ADAMTS20: variants seen among roughly 807,000 people sequenced by gnomAD.
ADAMTS20 encodes the protein A disintegrin and metalloproteinase with thrombospondin motifs 20.
Under a neutral mutation model 260.1 loss-of-function variants are expected in ADAMTS20, and 225 were observed. The observed-to-expected ratio is 0.87, with a 90% CI of 0.78 to 0.97. The LOEUF (loss-of-function observed/expected upper bound fraction) is 0.97, where lower values mean the gene tolerates loss of function less well. Among genes scored for constraint, ADAMTS20 ranks in the 50% least tolerant of loss-of-function variants. The probability of loss-of-function intolerance (pLI) is 0.00; values close to 1 mark genes in which losing one functional copy is unlikely to be tolerated. For missense variants in ADAMTS20, 2,400 were observed against 2,337.7 expected (o/e 1.03, Z -0.55); for synonymous variants, 802 against 769.5 (o/e 1.04, Z -0.70).
chr12:43,449,258 G>A (rs7138878), intron 14 of ADAMTS20, among the ~76,000 whole-genome samples: 2,098 of 152,192 alleles, frequency 0.014, 53 homozygotes, highest in African/African-American at 0.048. Flanking sequence ...TGGTAGACTG[G>A]ATAAAGAAAA....
intron 36 of ADAMTS20, among the ~76,000 whole-genome samples, chr12:43,370,693 A>G (rs549324980): frequency 3.3e-5 from 5 of 152,334 alleles, no homozygotes; most frequent in African/African-American, 1.2e-4. Flanking sequence ...ACATGTTCAA[A>G]GCTAAATGCA....
chr12:43,519,554 C>T (rs1943043840), intron 3 of ADAMTS20, among the ~76,000 whole-genome samples: 1 of 152,112 alleles, frequency 6.6e-6, no homozygotes, highest in Non-Finnish European at 1.5e-5. Context: ...TAGCAATCAA[C>T]TTTTTTCTTC....
intron 11 of ADAMTS20, among the ~76,000 whole-genome samples, chr12:43,454,751 C>T (rs1941934209): frequency 6.6e-6 from 1 of 152,196 alleles, no homozygotes. Flanking sequence ...ACCATGCACT[C>T]ATGCCAGTCT....
At chr12:43,380,989 T>C (rs1390892957) in intron 31 of ADAMTS20, among the ~76,000 whole-genome samples, 1 of 152,156 alleles carries the variant, frequency 6.6e-6, no homozygotes, top group African/African-American at 2.4e-5. Context: ...CAAAACTTAC[T>C]ATAAAATTAC....
chr12:43,464,305 T>C (rs962797042), intron 10 of ADAMTS20, among the ~76,000 whole-genome samples: 13 of 152,258 alleles, frequency 8.5e-5, no homozygotes, highest in African/African-American at 3.1e-4. Flanking sequence ...AATATTTCAA[T>C]GATTTTATTT....
chr12:43,420,478 C>A (rs1055061302), intron 28 of ADAMTS20, among the ~76,000 whole-genome samples: 1 of 152,034 alleles, frequency 6.6e-6, no homozygotes, highest in Non-Finnish European at 1.5e-5. Flanking sequence ...ACTTATGTGT[C>A]TTTTTCAAAT....
chr12:43,395,703 G>A (rs1461872281), intron 29 of ADAMTS20, among the ~76,000 whole-genome samples: 1 of 119,378 alleles, frequency 8.4e-6, no homozygotes, highest in Non-Finnish European at 1.7e-5. Context: ...TTTTTTTTGA[G>A]AGTTTTAGAA....
intron 38 of ADAMTS20, among the ~76,000 whole-genome samples, 195 bp downstream of exon 38, chr12:43,356,289 G>A (rs1939740589): frequency 6.6e-6 from 1 of 152,086 alleles, no homozygotes. Flanking sequence ...ACCTCCACAT[G>A]CACATTAATA....
intron 16 of ADAMTS20, among the ~76,000 whole-genome samples, chr12:43,441,978 A>G (rs1384305725): frequency 6.6e-6 from 1 of 152,222 alleles, no homozygotes; most frequent in African/African-American, 2.4e-5. Flanking sequence ...TGACATAGAC[A>G]TTCCTCTATT....
rs115337506 is a variant in ADAMTS20, at chr12:43,425,287, G to C, written c.4284+227C>G. ...AGTGTGGGGGGCAGGGAGAGCATCAGAAAGAATAGCTAGCTAATGGATGCC... is the reference window on the plus strand; with the variant it reads ...AGTGTGGGGGGCAGGGAGAGCATCACAAAGAATAGCTAGCTAATGGATGCC... On this transcript the variant is annotated intron_variant, in intron 28 of 38. Transcript: ENST00000389420. Among the ~76,000 whole-genome samples the C allele has an allele frequency of 6.0e-3, 912 of 152,246 alleles. 11 individuals are homozygous for C. The highest frequency in any genetic ancestry group is 0.021 in the African/African-American group (860 of 41,532).
chr12:43,450,572 C>A (rs1317709107), intron 14 of ADAMTS20, among the ~76,000 whole-genome samples: 1 of 152,076 alleles, frequency 6.6e-6, no homozygotes, highest in Non-Finnish European at 1.5e-5. Flanking sequence ...TATTTTAATT[C>A]TCTTTGAACA....
chr12:43,479,896 C>T (rs895008003), intron 7 of ADAMTS20, among the ~76,000 whole-genome samples: 1 of 151,774 alleles, frequency 6.6e-6, no homozygotes, highest in Non-Finnish European at 1.5e-5. Context: ...GACAAATAAA[C>T]AATATTTCAG....
rs145706047 is a variant in ADAMTS20, at chr12:43,493,547, A to G, written c.868-294T>C. Among the ~76,000 whole-genome samples the G allele has an allele frequency of 3.4e-4, 52 of 152,286 alleles. 1 individual carries two copies. In the East Asian group the frequency reaches 9.7e-3, roughly 28 times the overall value. On this transcript the variant is annotated intron_variant, in intron 4 of 38. Coordinates refer to ENST00000389420, the MANE Select transcript of ADAMTS20 (RefSeq NM_025003.5). ...AGCATCCACATAACCTAGAGCTGATATGAAACACAGAATCTCAGGCCCCAC... is the reference window on the plus strand; with the variant it reads ...AGCATCCACATAACCTAGAGCTGATGTGAAACACAGAATCTCAGGCCCCAC...
chr12:43,392,949 T>C (rs1940626125), intron 29 of ADAMTS20, among the ~76,000 whole-genome samples: 1 of 152,140 alleles, frequency 6.6e-6, no homozygotes, highest in Non-Finnish European at 1.5e-5. Context: ...CTAAATGTTA[T>C]CTCCAGCTTT....
intron 2 of ADAMTS20, among the ~76,000 whole-genome samples, chr12:43,539,481 T>A (rs1368645039): frequency 1.3e-5 from 2 of 152,216 alleles, no homozygotes; most frequent in Non-Finnish European, 2.9e-5. Context: ...AAGCTATAAA[T>A]ATAAGAATTC....
chr12:43,445,648 C>T (rs1429751127), intron 15 of ADAMTS20, among the ~76,000 whole-genome samples: 1 of 150,454 alleles, frequency 6.6e-6, no homozygotes. Context: ...AGTTTGAGAC[C>T]AACCTAGCAA....
chr12:43,359,485 G>C (rs1939822236), intron 37 of ADAMTS20, among the ~76,000 whole-genome samples: 2 of 152,052 alleles, frequency 1.3e-5, no homozygotes, highest in African/African-American at 4.8e-5. Flanking sequence ...CAGAATCTTT[G>C]TACATACGGA....
chr12:43,484,294 G>C (rs1279870112), intron 7 of ADAMTS20, among the ~76,000 whole-genome samples: 1 of 152,082 alleles, frequency 6.6e-6, no homozygotes, highest in Non-Finnish European at 1.5e-5. Context: ...ATCCCCAAAA[G>C]ATTATACTAA....
intron 26 of ADAMTS20, among the ~76,000 whole-genome samples, chr12:43,427,946 C>T (rs1263296103): frequency 6.6e-6 from 1 of 152,036 alleles, no homozygotes; most frequent in East Asian, 1.9e-4. Flanking sequence ...TATTCATAAA[C>T]ATTTATAGTC....
Sources: allele counts gnomAD v4.1 joint callset (sites outside exome capture counted in the v4.1 genomes callset), GRCh38; gene constraint gnomAD v4.1.1; transcripts MANE v1.5; gene names NCBI Gene and HGNC (gene_info 2026-07-23, HGNC 2026-07-21).